Variants in SBF2 observed in about 807,000 individuals in gnomAD.
SBF2 encodes the protein SET binding factor 2, also known as myotubularin-related protein 13.
A neutral mutation model predicts 225.2 loss-of-function variants in SBF2; 112 were observed. The observed-to-expected ratio is 0.50, with a 90% CI of 0.43 to 0.58. The LOEUF (loss-of-function observed/expected upper bound fraction) is 0.58, where lower values mean the gene tolerates loss of function less well. SBF2 is among the 20% of genes least tolerant of loss of function. The pLI is 0.00. For synonymous variants in SBF2, 763 were observed against 773.3 expected, an observed-to-expected ratio of 0.99 and a Z score of 0.22; for missense variants, 1,996 against 2,206.2, an observed-to-expected ratio of 0.90 and a Z score of 1.91.
intron 2 of SBF2, among the ~76,000 whole-genome samples, chr11:10,176,743 G>T (rs1956481799): frequency 6.6e-6 from 1 of 152,152 alleles, no homozygotes; most frequent in Non-Finnish European, 1.5e-5. Flanking sequence ...TGGATTCACA[G>T]CCGAATTGTA....
chr11:10,112,109 A>G (rs1470486932), intron 2 of SBF2, among the ~76,000 whole-genome samples: 1 of 152,234 alleles, frequency 6.6e-6, no homozygotes, highest in Non-Finnish European at 1.5e-5. Flanking sequence ...CACATTCTAC[A>G]CATGATAAAG....
At chr11:10,155,202 T>C (rs1415258682) in intron 2 of SBF2, among the ~76,000 whole-genome samples, 3 of 152,234 alleles carry the variant, frequency 2.0e-5, no homozygotes, top group Non-Finnish European at 4.4e-5. Flanking sequence ...TGTTTCACTA[T>C]CACTCAGAAG....
intron 2 of SBF2, among the ~76,000 whole-genome samples, chr11:10,107,007 C>T (rs1046344677): frequency 1.3e-5 from 2 of 152,152 alleles, no homozygotes; most frequent in African/African-American, 4.8e-5. Flanking sequence ...AACCAATTGT[C>T]CCTTCCTAGA....
chr11:10,279,104 AT>A (rs201465316), intron 1 of SBF2, among the ~76,000 whole-genome samples: 2,693 of 103,250 alleles, frequency 0.026, 229 homozygotes, highest in Middle Eastern at 0.032. Context: ...CCGGTCTTGT[AT>A]TAAAAAAAAA....
intron 13 of SBF2, among the ~76,000 whole-genome samples, chr11:9,973,850 T>C (rs545860475): frequency 2.0e-5 from 3 of 152,338 alleles, no homozygotes; most frequent in African/African-American, 7.2e-5. Flanking sequence ...ATTTTTCCTA[T>C]GTATTGGTCT....
chr11:9,828,300 G>A (rs1855182807), intron 28 of SBF2: 1 of 1,245,880 alleles, frequency 8.0e-7, no homozygotes, highest in East Asian at 5.8e-5. Flanking sequence ...TTATCTTCAG[G>A]TGTAGCATGT....
At chr11:9,929,293 C>G (rs534739366) in intron 16 of SBF2, 76 of 174,120 alleles carry the variant, frequency 4.4e-4, no homozygotes, top group Middle Eastern at 1.0e-3. Flanking sequence ...AAAAAACCAT[C>G]GTTTTGAAGT....
At chr11:10,283,548 A>T (rs7947666) in intron 1 of SBF2, among the ~76,000 whole-genome samples, 74,541 of 151,802 alleles carry the variant, frequency 0.49, 18,665 homozygotes, top group Non-Finnish European at 0.54. Flanking sequence ...CAAGAACTTC[A>T]AATAATTAAC....
intron 17 of SBF2, among the ~76,000 whole-genome samples, chr11:9,882,820 A>AC (rs1859932217): frequency 2.8e-5 from 4 of 140,364 alleles, no homozygotes; most frequent in East Asian, 2.0e-4. Context: ...AAAAAAAAAA[A>AC]CCACCAAAAA....
chr11:10,184,341 A>T (rs2135297829), intron 2 of SBF2, among the ~76,000 whole-genome samples: 1 of 152,294 alleles, frequency 6.6e-6, no homozygotes, highest in Middle Eastern at 3.4e-3. Flanking sequence ...AAGTCTTCCA[A>T]ACTTTGTTCT....
At chr11:10,286,996 AG>A (rs1395670446) in intron 1 of SBF2, among the ~76,000 whole-genome samples, 3 of 152,258 alleles carry the variant, frequency 2.0e-5, no homozygotes, top group African/African-American at 7.2e-5. Flanking sequence ...GCCCAAAACT[AG>A]AAATTCAAGT....
At chr11:10,033,621 T>A (rs1033610423) in intron 3 of SBF2, among the ~76,000 whole-genome samples, 1 of 151,686 alleles carries the variant, frequency 6.6e-6, no homozygotes, top group Admixed American at 6.6e-5. Flanking sequence ...AGAGAAAAAA[T>A]TCTTATTTCT....
chr11:9,885,210 C>A (rs1440916070), intron 17 of SBF2, among the ~76,000 whole-genome samples: 1 of 133,336 alleles, frequency 7.5e-6, no homozygotes, highest in African/African-American at 2.8e-5. Context: ...CAGATTGCAC[C>A]ACTGCACTCT....
At chr11:10,284,646 C>T (rs760867332) in intron 1 of SBF2, among the ~76,000 whole-genome samples, 16 of 151,354 alleles carry the variant, frequency 1.1e-4, no homozygotes, top group Non-Finnish European at 5.9e-5. Flanking sequence ...GAGTTTGTTC[C>T]GTTACCCAGG....
In SBF2 at chr11:10,251,135, A is replaced by G. The variant is rs1329754459; in HGVS notation, c.55+42880T>C. Among the ~76,000 whole-genome samples the G allele has an allele frequency of 3.3e-5, 5 of 152,310 alleles. No homozygotes were observed. In the East Asian group the frequency reaches 9.6e-4, roughly 29 times the overall value. The stretch of plus-strand genomic sequence containing the variant: ...CAGCCTTATACATGAATAACCTTAT[A>G]CTTTGGTAGATAAAAGATGAAGGCC... On this transcript the variant is annotated intron_variant, in intron 1 of 39. Coordinates refer to ENST00000256190, the MANE Select transcript of SBF2 (RefSeq NM_030962.4).
At chr11:9,971,184 T>C (rs1278840655) in intron 13 of SBF2, among the ~76,000 whole-genome samples, 4 of 152,018 alleles carry the variant, frequency 2.6e-5, no homozygotes, top group Non-Finnish European at 5.9e-5. Flanking sequence ...ATATTTTCTT[T>C]ATAATAAAAA....
At chr11:9,838,467 A>G (rs1200762023) in intron 26 of SBF2, 1 of 152,238 alleles carries the variant, frequency 6.6e-6, no homozygotes, top group Non-Finnish European at 1.5e-5. Context: ...AAATTTAGTT[A>G]GAATGACGGA....
rs185276119 is a variant in SBF2, at chr11:9,811,550, A to G, written c.4155+982T>C. On this transcript the variant is annotated intron_variant, in intron 30 of 39. Coordinates refer to ENST00000256190, the MANE Select transcript of SBF2 (RefSeq NM_030962.4). Reference sequence around the variant, plus strand: ...GCTGGGGCTCATAGCCTGGGGACAGAAGGGAGTATCGACCAGTTCCTTCCA... The same window carrying G: ...GCTGGGGCTCATAGCCTGGGGACAGGAGGGAGTATCGACCAGTTCCTTCCA... 2.1e-3 allele frequency among the ~76,000 whole-genome samples: 314 copies of G among 152,256 alleles called. 1 individual carries two copies. The highest frequency in any genetic ancestry group is 7.1e-3 in the African/African-American group (293 of 41,534).
At chr11:9,958,645 T>C (rs1282862619) in intron 16 of SBF2, 2 of 270,494 alleles carry the variant, frequency 7.4e-6, no homozygotes, top group Non-Finnish European at 1.5e-5. Context: ...GGCGTGAGCA[T>C]CCTTTCAGTT....
Sources: gnomAD v4.1 joint callset for allele counts (sites outside exome capture counted in the v4.1 genomes callset) on GRCh38, gnomAD v4.1.1 for gene constraint, MANE v1.5 for transcripts, NCBI Gene and HGNC (gene_info 2026-07-23, HGNC 2026-07-21) for gene names.